The following SF3B1 variants were observed in gnomAD, a reference collection of about 807,000 sequenced individuals.
The protein encoded by SF3B1 is pre-mRNA processing 10.
A neutral mutation model predicts 153.8 loss-of-function variants in SF3B1; 12 were observed. The ratio of observed to expected loss-of-function variants is 0.08; its 90% CI spans 0.05 to 0.13. The LOEUF is 0.13. Ranked by LOEUF, SF3B1 falls within the 10% of genes least tolerant of loss-of-function variation. The probability of loss-of-function intolerance (pLI) is 1.00; values close to 1 mark genes in which losing one functional copy is unlikely to be tolerated. For synonymous variants in SF3B1, 498 were observed against 525.2 expected, an observed-to-expected ratio of 0.95 and a Z score of 0.71; for missense variants, 513 against 1,606.1, an observed-to-expected ratio of 0.32 and a Z score of 11.63.
intron 5 of SF3B1, 96 bp downstream of exon 5, chr2:197,418,413 T>A (rs189723380): frequency 2.4e-6 from 2 of 841,892 alleles, no homozygotes; most frequent in African/African-American, 3.5e-5. Context: ...CTATTATTTG[T>A]GCAGCAAATA....
rs138215794 is a variant in SF3B1 at position 197,412,341 on chromosome 2, A to AATTTATTTATTT, written c.667-2346_667-2335dup. ...TTAAAAAAGTCTGAGTCTCTGATTT[A>AATTTATTTATTT]ATTTATTTATTTATTTATTTATTTA... is the stretch of plus-strand genomic sequence containing the variant. On this transcript the variant is annotated intron_variant, in intron 6 of 24. Transcript: ENST00000335508. Among the ~76,000 whole-genome samples, 1,057 of 145,786 alleles carry AATTTATTTATTT rather than the reference A, an allele frequency of 7.3e-3. 14 individuals carry two copies. Among genetic ancestry groups the AATTTATTTATTT allele is most frequent in the African/African-American group, 0.023 (894 of 39,552 alleles).
In SF3B1 at chr2:197,402,045, G is replaced by A. The variant is rs1356379586; in HGVS notation, c.2163C>T (p.Ile721=). 68 of 1,613,596 alleles carry A rather than the reference G, an allele frequency of 4.2e-5. No individual in the cohort carries two copies. Among genetic ancestry groups the A allele is most frequent in the Non-Finnish European group, 5.1e-5 (60 of 1,179,826 alleles). The change falls in exon 15 of 25, where the codon ATC becomes ATT. Residue 721 remains isoleucine (I), a synonymous_variant. Transcript: ENST00000335508. This position sits in a 1 kb window ranked among gnomAD's most constrained non-coding sequence, Gnocchi z 4.6. ...ALAEAATPYG[I]ESFDSVLKPL... is the part of the protein sequence containing the mutation. The stretch of plus-strand genomic sequence containing the variant: ...GCTTTAACACAGAATCAAAAGATTC[G>A]ATACCATAAGGAGTTGCTGCTTCAG...
intron 6 of SF3B1, among the ~76,000 whole-genome samples, chr2:197,413,006 CTT>C (rs950536448): frequency 5.7e-5 from 8 of 141,508 alleles, no homozygotes; most frequent in Non-Finnish European, 1.1e-4. Context: ...GATATCAGCT[CTT>C]GTGTCTAGTT....
At chr2:197,411,351 G>A (rs1297967959) in intron 6 of SF3B1, among the ~76,000 whole-genome samples, 1 of 152,186 alleles carries the variant, frequency 6.6e-6, no homozygotes, top group Non-Finnish European at 1.5e-5. Context: ...CACAGGATGT[G>A]TAATGTACTT....
intron 1 of SF3B1, among the ~76,000 whole-genome samples, chr2:197,430,304 G>A (rs2085407549): frequency 6.6e-6 from 1 of 152,158 alleles, no homozygotes; most frequent in African/African-American, 2.4e-5. Flanking sequence ...AAATATTTAT[G>A]GATAAAGTGG....
chr2:197,405,779 C>G (rs1196472887), intron 9 of SF3B1, among the ~76,000 whole-genome samples: 1 of 152,028 alleles, frequency 6.6e-6, no homozygotes, highest in Non-Finnish European at 1.5e-5. Context: ...ATTATAAAAT[C>G]TGAGTCAGCA....
intron 1 of SF3B1, among the ~76,000 whole-genome samples, chr2:197,430,665 G>C (rs1207877001): frequency 6.6e-6 from 1 of 152,152 alleles, no homozygotes; most frequent in East Asian, 1.9e-4. Flanking sequence ...TGTTGATCAA[G>C]CTGGTCTCAA....
At chr2:197,422,978 A>C (rs1200148196) in intron 2 of SF3B1, among the ~76,000 whole-genome samples, 1 of 152,232 alleles carries the variant, frequency 6.6e-6, no homozygotes, top group Non-Finnish European at 1.5e-5. Flanking sequence ...CTGATAAAAT[A>C]TAAGCTACCT....
At chr2:197,418,962 A>T in intron 4 of SF3B1, 1 of 1,588,884 alleles carries the variant, frequency 6.3e-7, no homozygotes, top group Non-Finnish European at 8.6e-7. Flanking sequence ...CTAGAAAATT[A>T]TCTCTTTACC....
Position 197,435,014 on chromosome 2 carries a change from C to A in SF3B1, c.-15G>T. 1.2e-6 allele frequency: 2 copies of A among 1,614,280 alleles called. No individual in the cohort carries two copies. The highest frequency in any genetic ancestry group is 1.7e-6 in the Non-Finnish European group (2 of 1,180,046). ...ATCTTCGCCATTTTGTCCACTCGAACACACAGACGGAACTGGCGCTCCCAA... is the reference window on the plus strand; with the variant it reads ...ATCTTCGCCATTTTGTCCACTCGAAAACACAGACGGAACTGGCGCTCCCAA... On this transcript the variant is annotated 5_prime_UTR_variant, in exon 1 of 25. Coordinates refer to ENST00000335508, the MANE Select transcript of SF3B1 (RefSeq NM_012433.4).
At chr2:197,404,444 G>C (rs2084967351) in intron 11 of SF3B1, among the ~76,000 whole-genome samples, 1 of 152,082 alleles carries the variant, frequency 6.6e-6, no homozygotes, top group African/African-American at 2.4e-5. Context: ...GCAGGGCGTG[G>C]TGGTGCACGC....
At chr2:197,424,481 G>A (rs1357020665) in intron 1 of SF3B1, among the ~76,000 whole-genome samples, 19 of 140,850 alleles carry the variant, frequency 1.3e-4, no homozygotes, top group African/African-American at 5.2e-4. Flanking sequence ...GACAGAGCAA[G>A]ACTCTATCTC....
chr2:197,396,752 T>C (rs1274299124), intron 22 of SF3B1, among the ~76,000 whole-genome samples: 1 of 152,200 alleles, frequency 6.6e-6, no homozygotes, highest in Admixed American at 6.5e-5. Context: ...TTATAAACCA[T>C]ATAAAATCTC....
In SF3B1 at chr2:197,401,454, A is replaced by G; in HGVS notation, c.2442T>C (p.Phe814=). ...NYIKTEILPP[F]FKHFWQHRMA... ...TCCTGTGCTGCCAGAAGTGTTTAAA[A>G]AAGGGAGGAAGAATCTCTGTTTTAA... is the stretch of plus-strand genomic sequence containing the variant. The change falls in exon 17 of 25, where the codon TTT becomes TTC. Residue 814 remains phenylalanine, a synonymous_variant. Transcript: ENST00000335508. The surrounding 1 kb of genome is among the most constrained non-coding windows in gnomAD (Gnocchi z 4.2). 1.2e-6 allele frequency: 2 copies of G among 1,612,702 alleles called. No individual in the cohort carries two copies. The highest frequency in any genetic ancestry group is 1.7e-6 in the Non-Finnish European group (2 of 1,179,200).
chr2:197,411,489 T>C (rs2085066807), intron 6 of SF3B1, among the ~76,000 whole-genome samples: 1 of 151,720 alleles, frequency 6.6e-6, no homozygotes, highest in Non-Finnish European at 1.5e-5. Flanking sequence ...CTGGCTAACA[T>C]GGTGAAACCC....
Position 197,406,948 on chromosome 2 carries a change from T to A in SF3B1, c.1239+1050A>T, listed in dbSNP as rs138612964. 4.3e-3 allele frequency among the ~76,000 whole-genome samples: 657 copies of A among 151,818 alleles called. 1 individual carries two copies. The highest frequency in any genetic ancestry group is 7.5e-3 in the Admixed American group (115 of 15,242). On this transcript the variant is annotated intron_variant, in intron 9 of 24. Transcript: ENST00000335508. ...ACAAAAAATAAAAAAATTAGCCAGG[T>A]ATGGTAGTGCATGCCTGTAGCCCCA...
At chr2:197,417,575 TAAA>T (rs56204414) in intron 5 of SF3B1, among the ~76,000 whole-genome samples, 3 of 99,822 alleles carry the variant, frequency 3.0e-5, no homozygotes, top group African/African-American at 1.2e-4. Context: ...CCACCTCTAC[TAAA>T]AAAAAAAAAA....
intron 1 of SF3B1, among the ~76,000 whole-genome samples, chr2:197,428,798 G>A (rs901946108): frequency 8.5e-5 from 13 of 152,188 alleles, no homozygotes; most frequent in Admixed American, 4.6e-4. Context: ...GGAAGGCTGA[G>A]GCATGAGAAT....
Position 197,431,321 on chromosome 2 carries a change from C to T in SF3B1, c.28+3651G>A, listed in dbSNP as rs141964653. Among the ~76,000 whole-genome samples the T allele has an allele frequency of 7.2e-3, 1,093 of 151,834 alleles. 13 individuals are homozygous for T. Among genetic ancestry groups the T allele is most frequent in the African/African-American group, 0.025 (1,042 of 41,432 alleles). On this transcript the variant is annotated intron_variant, in intron 1 of 24. Transcript: ENST00000335508. ...TTTTAGTAGAGAGGGGGTTTCACCA[C>T]GTTGGCCAGGCTGGTCTGGAACTCC...
Sources: gnomAD v4.1 joint callset for allele counts (sites outside exome capture counted in the v4.1 genomes callset) on GRCh38, gnomAD v4.1.1 for gene constraint, Gnocchi (gnomAD v3.1) non-coding constraint, MANE v1.5 for transcripts, NCBI Gene and HGNC (gene_info 2026-07-23, HGNC 2026-07-21) for gene names.